APBB2: variants seen among roughly 807,000 people sequenced by gnomAD.
APBB2 encodes Fe65-like 1.
APBB2 carries 38 observed loss-of-function variants against 82.5 expected under a neutral mutation model. The ratio of observed to expected loss-of-function variants is 0.46; its 90% confidence interval spans 0.36 to 0.60. The LOEUF is 0.60. Ranked by LOEUF, APBB2 falls within the 20% of genes least tolerant of loss-of-function variation. The probability of loss-of-function intolerance (pLI) is 0.00; values close to 1 mark genes in which losing one functional copy is unlikely to be tolerated. For missense variants in APBB2, 772 were observed against 972.3 expected (o/e 0.79, Z 2.74); for synonymous variants, 341 against 368.2 (o/e 0.93, Z 0.85).
intron 6 of APBB2, among the ~76,000 whole-genome samples, chr4:41,005,081 T>C (rs925004891): frequency 3.9e-5 from 6 of 152,266 alleles, no homozygotes; most frequent in Admixed American, 2.0e-4. Context: ...TCTTTTATTA[T>C]TTATTAACTT....
chr4:41,133,329 T>C (rs1756620293), intron 2 of APBB2, among the ~76,000 whole-genome samples: 1 of 152,196 alleles, frequency 6.6e-6, no homozygotes, highest in South Asian at 2.1e-4. Flanking sequence ...TTTTGAATTG[T>C]GTCTATTTCA....
chr4:40,844,334 C>T (rs938709454), intron 12 of APBB2, among the ~76,000 whole-genome samples: 7 of 152,216 alleles, frequency 4.6e-5, no homozygotes, highest in African/African-American at 1.7e-4. Context: ...TGCTCATGCT[C>T]ATAATGCTCA....
intron 3 of APBB2, among the ~76,000 whole-genome samples, chr4:41,098,646 A>T (rs1744356445): frequency 6.6e-6 from 1 of 152,244 alleles, no homozygotes. Context: ...CCAAAAGGGA[A>T]TATTTTGGTA....
rs115935890 is a variant in APBB2, at chr4:41,164,983, T to C, written c.-416-21841A>G. On this transcript the variant is annotated intron_variant, in intron 1 of 17. Coordinates refer to ENST00000508593, the MANE Select transcript of APBB2 (RefSeq NM_004307.2). ...TAAGCTTTTATTTTACAAAGGGCTTTAAGTGAGAATATTTTCCCTTTAGCC... is the reference window on the plus strand; with the variant it reads ...TAAGCTTTTATTTTACAAAGGGCTTCAAGTGAGAATATTTTCCCTTTAGCC... Among the ~76,000 whole-genome samples the C allele has an allele frequency of 9.5e-3, 1,440 of 152,342 alleles. 30 individuals are homozygous for C. The highest frequency in any genetic ancestry group is 0.033 in the African/African-American group (1,385 of 41,558).
intron 12 of APBB2, among the ~76,000 whole-genome samples, chr4:40,868,377 T>C (rs367647179): frequency 5.3e-5 from 8 of 152,184 alleles, no homozygotes. Flanking sequence ...TCTTCTCTCA[T>C]ATAGAAAATT....
chr4:40,862,107 C>T (rs1290452746), intron 12 of APBB2, among the ~76,000 whole-genome samples: 1 of 152,232 alleles, frequency 6.6e-6, no homozygotes, highest in Non-Finnish European at 1.5e-5. Context: ...TTACTTCCTT[C>T]AGACCTGCAT....
intron 2 of APBB2, among the ~76,000 whole-genome samples, chr4:41,124,049 C>A (rs1463279344): frequency 6.6e-6 from 1 of 152,120 alleles, no homozygotes; most frequent in Non-Finnish European, 1.5e-5. Flanking sequence ...CAGGAAGAAG[C>A]TTGCCCACAG....
In APBB2 at chr4:41,126,395, T is replaced by G. The variant is rs879382684; in HGVS notation, c.-261+16592A>C. 2.6e-5 allele frequency among the ~76,000 whole-genome samples: 4 copies of G among 151,860 alleles called. No homozygotes were observed. The South Asian group carries it at 6.3e-4, about 24-fold the overall frequency. ...AAGACCCTGTCAATAAATAAGTAAA[T>G]GAATAAACAACAGAAGAAAATGATC... On this transcript the variant is annotated intron_variant, in intron 2 of 17. Transcript: ENST00000508593.
At chr4:40,929,694 C>T (rs922033551) in intron 10 of APBB2, among the ~76,000 whole-genome samples, 6 of 152,122 alleles carry the variant, frequency 3.9e-5, no homozygotes, top group African/African-American at 9.7e-5. Context: ...TGAACTGATA[C>T]GTGGACAAAG....
chr4:41,014,318 T>C lies in APBB2; in HGVS notation c.100A>G (p.Thr34Ala). 6.2e-7 allele frequency: 1 copy of C among 1,614,148 alleles called. No homozygotes were observed. ...TDVTNRNSPA[T>A]PPNTLNLRSS... The stretch of plus-strand genomic sequence containing the variant: ...CGGAGGTTAAGGGTGTTTGGTGGTG[T>C]GGCTGGGCTGTTCCGATTTGTGACG... The change falls in exon 6 of 18, where the codon ACA (threonine) becomes GCA (alanine). Residue 34 changes from threonine to alanine, a missense_variant. By Grantham distance (58) the Thr-to-Ala change is moderately conservative. Transcript: ENST00000508593.
chr4:41,043,997 G>A (rs902147103), intron 4 of APBB2, among the ~76,000 whole-genome samples: 2 of 152,176 alleles, frequency 1.3e-5, no homozygotes, highest in African/African-American at 4.8e-5. Flanking sequence ...GTCTGTGGTG[G>A]TATGATCTTT....
intron 1 of APBB2, among the ~76,000 whole-genome samples, chr4:41,182,778 G>T: frequency 6.6e-6 from 1 of 152,160 alleles, no homozygotes; most frequent in East Asian, 1.9e-4. Context: ...CAAGGGGGAA[G>T]AGCCCCTTAT....
chr4:41,079,067 A>G (rs1258634099), intron 3 of APBB2, among the ~76,000 whole-genome samples: 3 of 152,364 alleles, frequency 2.0e-5, no homozygotes, highest in East Asian at 1.9e-4. Flanking sequence ...GCTCAGAGGC[A>G]GCAAAGGCTG....
At chr4:41,067,582 G>A (rs908575419) in intron 3 of APBB2, among the ~76,000 whole-genome samples, 1 of 152,204 alleles carries the variant, frequency 6.6e-6, no homozygotes, top group African/African-American at 2.4e-5. Context: ...GTCACTGCAG[G>A]AACATAGACA....
intron 4 of APBB2, among the ~76,000 whole-genome samples, chr4:41,044,752 C>T (rs761409628): frequency 6.6e-6 from 1 of 152,122 alleles, no homozygotes; most frequent in African/African-American, 2.4e-5. Flanking sequence ...TCTAGATGCC[C>T]AAAGGACTTT....
intron 4 of APBB2, among the ~76,000 whole-genome samples, chr4:41,058,604 C>A (rs12511269): frequency 6.6e-6 from 1 of 152,034 alleles, no homozygotes; most frequent in African/African-American, 2.4e-5. Flanking sequence ...AAGGAGGTAG[C>A]CACGGATAAG....
chr4:40,999,553 G>C (rs1321517481), intron 6 of APBB2, among the ~76,000 whole-genome samples: 1 of 152,214 alleles, frequency 6.6e-6, no homozygotes. Flanking sequence ...GCAGCTTACA[G>C]TTCAGTTTCA....
intron 6 of APBB2, among the ~76,000 whole-genome samples, chr4:41,004,885 TGAAA>T (rs1806277213): frequency 8.2e-6 from 1 of 121,242 alleles, no homozygotes; most frequent in Non-Finnish European, 1.8e-5. Context: ...ATGTAACAAA[TGAAA>T]GAATGAATGA....
At chr4:41,079,883 C>T (rs1458849026) in intron 3 of APBB2, among the ~76,000 whole-genome samples, 1 of 151,992 alleles carries the variant, frequency 6.6e-6, no homozygotes, top group African/African-American at 2.4e-5. Flanking sequence ...CTACCATTAG[C>T]CAACCCATTC....
Sources: allele counts gnomAD v4.1 joint callset (sites outside exome capture counted in the v4.1 genomes callset), GRCh38; gene constraint gnomAD v4.1.1; transcripts MANE v1.5; gene names NCBI Gene and HGNC (gene_info 2026-07-23, HGNC 2026-07-21).